The following BMPR1B variants were observed in gnomAD, a reference collection of about 807,000 sequenced individuals.
BMPR1B encodes the protein bone morphogenetic protein receptor type 1B, also known as bone morphogenetic protein receptor type-1B.
In BMPR1B, 12 loss-of-function variants were observed where a neutral mutation model predicts 59.1. That is an observed-to-expected ratio of 0.20 (90% confidence interval 0.13 to 0.33). The LOEUF is 0.33. Among genes scored for constraint, BMPR1B ranks in the 10% least tolerant of loss-of-function variants. The pLI is 1.00. For missense variants in BMPR1B, 550 were observed against 610.9 expected (o/e 0.90, Z 1.05); for synonymous variants, 237 against 207.3 (o/e 1.14, Z -1.23).
At position 95,138,933 on chromosome 4, in the gene BMPR1B, G is replaced by C. The variant is rs111630020; in HGVS notation, c.1076+7421G>C. On this transcript the variant is annotated intron_variant, in intron 10 of 12. Coordinates refer to ENST00000515059, the MANE Select transcript of BMPR1B (RefSeq NM_001203.3). ...TCTCAACTCGTCAAAGTCATTCTCCGTGCAGCTTTGTTCCATTGCTGGTGA... is the reference window on the plus strand; with the variant it reads ...TCTCAACTCGTCAAAGTCATTCTCCCTGCAGCTTTGTTCCATTGCTGGTGA... Among the ~76,000 whole-genome samples, 298 of 152,236 alleles carry C rather than the reference G, an allele frequency of 2.0e-3. 7 individuals are homozygous for C. In the East Asian group the frequency reaches 0.042, roughly 22 times the overall value.
chr4:94,877,083 G>A (rs1020433137), intron 2 of BMPR1B, among the ~76,000 whole-genome samples: 8 of 152,174 alleles, frequency 5.3e-5, no homozygotes, highest in Admixed American at 2.0e-4. Flanking sequence ...AGTGTTGTGA[G>A]GTTAAATTTT....
chr4:94,844,739 C>G (rs895147230), intron 1 of BMPR1B, among the ~76,000 whole-genome samples: 40 of 152,082 alleles, frequency 2.6e-4, no homozygotes, highest in South Asian at 2.1e-4. Flanking sequence ...TTTAGTTTCA[C>G]CAGATTTTGC....
At chr4:94,928,097 G>T (rs992002269) in intron 2 of BMPR1B, among the ~76,000 whole-genome samples, 1 of 151,776 alleles carries the variant, frequency 6.6e-6, no homozygotes, top group African/African-American at 2.4e-5. Flanking sequence ...TCTAGTAGGC[G>T]AAAGTCTCGT....
At chr4:94,976,458 G>A (rs973239462) in intron 2 of BMPR1B, among the ~76,000 whole-genome samples, 1 of 152,188 alleles carries the variant, frequency 6.6e-6, no homozygotes, top group African/African-American at 2.4e-5. Context: ...ATCTGCCACA[G>A]TCCATCCTCT....
intron 2 of BMPR1B, among the ~76,000 whole-genome samples, chr4:94,918,136 T>A (rs1274234543): frequency 6.6e-6 from 1 of 152,114 alleles, no homozygotes; most frequent in Non-Finnish European, 1.5e-5. Context: ...TCTCTTTTTT[T>A]AGTATTATCT....
rs115630839 is a variant in BMPR1B, at chr4:94,830,714, C to G, written c.-182-45117C>G. Among the ~76,000 whole-genome samples the G allele has an allele frequency of 6.6e-3, 1,011 of 152,220 alleles. 10 individuals are homozygous for G. Among genetic ancestry groups the G allele is most frequent in the African/African-American group, 0.023 (943 of 41,530 alleles). ...ATGTGCAATATAATGACGTTTTGGTCATTGAGACCCACATGTGTGACAGTG... is the reference window on the plus strand; with the variant it reads ...ATGTGCAATATAATGACGTTTTGGTGATTGAGACCCACATGTGTGACAGTG... On this transcript the variant is annotated intron_variant, in intron 1 of 12. Coordinates refer to ENST00000515059, the MANE Select transcript of BMPR1B (RefSeq NM_001203.3).
chr4:94,841,495 G>A (rs1018165536), intron 1 of BMPR1B, among the ~76,000 whole-genome samples: 5 of 152,188 alleles, frequency 3.3e-5, no homozygotes, highest in Non-Finnish European at 7.3e-5. Flanking sequence ...TCGGAAAAGC[G>A]CAGTATTTGG....
At chr4:95,000,226 T>C (rs1051163208) in intron 3 of BMPR1B, among the ~76,000 whole-genome samples, 1 of 108,892 alleles carries the variant, frequency 9.2e-6, no homozygotes, top group Non-Finnish European at 1.8e-5. Context: ...ATGACTCTTC[T>C]GTTTGTTTAA....
chr4:95,108,104 A>G (rs1731323934), intron 4 of BMPR1B, among the ~76,000 whole-genome samples: 1 of 152,116 alleles, frequency 6.6e-6, no homozygotes, highest in African/African-American at 2.4e-5. Flanking sequence ...ATTAATTTTT[A>G]AAATACTTAC....
At chr4:94,905,454 A>T (rs930738151) in intron 2 of BMPR1B, among the ~76,000 whole-genome samples, 1 of 151,992 alleles carries the variant, frequency 6.6e-6, no homozygotes. Flanking sequence ...TAATAACTGA[A>T]TATTTTTTAC....
intron 3 of BMPR1B, among the ~76,000 whole-genome samples, chr4:95,090,566 C>G (rs1366588250): frequency 6.6e-6 from 1 of 151,956 alleles, no homozygotes; most frequent in African/African-American, 2.4e-5. Context: ...AGAACAACAA[C>G]AAAATTGACA....
chr4:94,859,972 A>C (rs954753568), intron 1 of BMPR1B, among the ~76,000 whole-genome samples: 25 of 152,170 alleles, frequency 1.6e-4, no homozygotes, highest in Admixed American at 1.1e-3. Flanking sequence ...ATCGTTTTGC[A>C]GATTTTCATC....
intron 2 of BMPR1B, among the ~76,000 whole-genome samples, chr4:94,878,391 C>T (rs1042747886): frequency 6.6e-6 from 1 of 152,084 alleles, no homozygotes; most frequent in African/African-American, 2.4e-5. Context: ...GAGCAGAGGA[C>T]GTTATTTTTA....
intron 3 of BMPR1B, among the ~76,000 whole-genome samples, chr4:95,046,963 C>T (rs1304984805): frequency 2.0e-5 from 3 of 152,168 alleles, no homozygotes; most frequent in South Asian, 2.1e-4. Context: ...GGTGTATAAC[C>T]ATTTGGCACA....
chr4:95,148,598 A>T (rs1038819743), intron 10 of BMPR1B, 150 bp from the exon 11 acceptor site: 7 of 833,032 alleles, frequency 8.4e-6, no homozygotes, highest in Non-Finnish European at 1.4e-5. Flanking sequence ...AGCTTTTGGC[A>T]AGAAATATTC....
At chr4:94,951,301 A>G (rs1729925105) in intron 2 of BMPR1B, among the ~76,000 whole-genome samples, 1 of 152,182 alleles carries the variant, frequency 6.6e-6, no homozygotes, top group African/African-American at 2.4e-5. Flanking sequence ...CAGAACTTCC[A>G]ATACTATGTT....
chr4:95,136,672 T>C (rs1579142485), intron 10 of BMPR1B, among the ~76,000 whole-genome samples: 1 of 152,320 alleles, frequency 6.6e-6, no homozygotes, highest in East Asian at 1.9e-4. Context: ...TATCCATTTC[T>C]TCTATTTTCT....
At chr4:95,123,657 A>G (rs556861027) in intron 6 of BMPR1B, among the ~76,000 whole-genome samples, 153 bp from the exon 7 acceptor site, 8 of 152,292 alleles carry the variant, frequency 5.3e-5, no homozygotes, top group South Asian at 2.1e-4. Flanking sequence ...AATTTTGAGT[A>G]TATATGGGTT....
chr4:94,945,698 G>A (rs1349405373), intron 2 of BMPR1B, among the ~76,000 whole-genome samples: 1 of 152,132 alleles, frequency 6.6e-6, no homozygotes, highest in Non-Finnish European at 1.5e-5. Context: ...GCCTTCCAAA[G>A]TTCTAGGATT....
Sources: allele counts gnomAD v4.1 joint callset (sites outside exome capture counted in the v4.1 genomes callset), GRCh38; gene constraint gnomAD v4.1.1; transcripts MANE v1.5; gene names NCBI Gene and HGNC (gene_info 2026-07-23, HGNC 2026-07-21).